The following TRIP11 variants were observed in gnomAD, a reference collection of about 807,000 sequenced individuals.
TRIP11 encodes the protein thyroid hormone receptor interactor 11, also known as thyroid receptor-interacting protein 11.
A neutral mutation model predicts 223.1 loss-of-function variants in TRIP11; 148 were observed. That is an observed-to-expected ratio of 0.66 (90% CI 0.58 to 0.76). TRIP11 has a LOEUF of 0.76. TRIP11 is among the 30% of genes least tolerant of loss of function. TRIP11 has a pLI of 0.00. For synonymous variants in TRIP11, 762 were observed against 772.6 expected (o/e 0.99, Z 0.23); for missense variants, 2,043 against 2,222.0 (o/e 0.92, Z 1.62).
At chr14:91,990,140 C>T (rs2056654308) in intron 15 of TRIP11, among the ~76,000 whole-genome samples, 1 of 151,956 alleles carries the variant, frequency 6.6e-6, no homozygotes, top group African/African-American at 2.4e-5. Flanking sequence ...CCCTACTGAT[C>T]CTGCTTTTAG....
intron 3 of TRIP11, among the ~76,000 whole-genome samples, chr14:92,023,022 T>C (rs1255932497): frequency 6.6e-6 from 1 of 152,212 alleles, no homozygotes; most frequent in Non-Finnish European, 1.5e-5. Flanking sequence ...AAAATCCACA[T>C]CTTTTTCAAA....
chr14:92,002,475 A>G (rs968444725), intron 11 of TRIP11, among the ~76,000 whole-genome samples: 1 of 152,182 alleles, frequency 6.6e-6, no homozygotes, highest in Non-Finnish European at 1.5e-5. Context: ...TAATCAATAC[A>G]TAAAAATCAA....
chr14:92,006,454 A>T lies in TRIP11; in HGVS notation c.1528-6T>A. 6.2e-7 allele frequency: 1 copy of T among 1,611,756 alleles called. No homozygotes were observed. The highest frequency in any genetic ancestry group is 8.5e-7 in the Non-Finnish European group (1 of 1,179,670). Reference sequence around the variant, plus strand: ...TCTTTTATCAAAATCATGTGCTGAAAGAAAAATTTGCATGGTGACTTTACA... The same window carrying T: ...TCTTTTATCAAAATCATGTGCTGAATGAAAAATTTGCATGGTGACTTTACA... On this transcript the variant is annotated splice_polypyrimidine_tract_variant and splice_region_variant and intron_variant, in intron 10 of 20. Coordinates refer to ENST00000267622, the MANE Select transcript of TRIP11 (RefSeq NM_004239.4).
Position 92,020,661 on chromosome 14 carries a change from T to C in TRIP11, c.588+895A>G, listed in dbSNP as rs75378292. 1.2e-3 allele frequency among the ~76,000 whole-genome samples: 175 copies of C among 148,228 alleles called. 1 individual carries two copies. The highest frequency in any genetic ancestry group is 4.2e-3 in the African/African-American group (168 of 40,050). On this transcript the variant is annotated intron_variant, in intron 4 of 20. Transcript: ENST00000267622. ...TCAATTTTTTTCCTCTCATGTTTTA[T>C]TAAAAAAAAAAAAAAGGATCTGTTG...
chr14:92,009,232 C>T (rs964835643), intron 9 of TRIP11, among the ~76,000 whole-genome samples: 3 of 152,162 alleles, frequency 2.0e-5, no homozygotes, highest in African/African-American at 7.2e-5. Flanking sequence ...TGGTGTCTCA[C>T]TATGTTGCCC....
intron 4 of TRIP11, among the ~76,000 whole-genome samples, chr14:92,020,993 C>G (rs544897145): frequency 6.6e-6 from 1 of 151,050 alleles, no homozygotes; most frequent in African/African-American, 2.4e-5. Context: ...TCATTTGAAC[C>G]CGGGAGGCGG....
At chr14:91,974,780 T>C (rs373481040) in intron 18 of TRIP11, 37 bp from the exon 19 acceptor site, 1 of 1,439,722 alleles carries the variant, frequency 6.9e-7, no homozygotes, top group Admixed American at 2.0e-5. Flanking sequence ...ATATTATCAG[T>C]ACAAGAAAAA....
At chr14:92,011,722 C>T in intron 8 of TRIP11, 33 bp downstream of exon 8, 1 of 1,585,942 alleles carries the variant, frequency 6.3e-7, no homozygotes, top group African/African-American at 1.3e-5. Flanking sequence ...TCCACTGTCT[C>T]TATGCACATA....
At chr14:91,993,965 G>T in intron 14 of TRIP11, 53 bp from the exon 15 acceptor site, 9 of 1,378,430 alleles carry the variant, frequency 6.5e-6, no homozygotes, top group Non-Finnish European at 9.2e-6. Context: ...TGTTAAGTTA[G>T]AATGTTAAGC....
chr14:92,021,459 G>T, intron 4 of TRIP11, 97 bp downstream of exon 4: 3 of 1,197,824 alleles, frequency 2.5e-6, no homozygotes, highest in Non-Finnish European at 2.4e-6. Flanking sequence ...CCTAGTCCAG[G>T]GTTCTTTCTG....
chr14:92,016,541 T>A (rs2057037252), intron 5 of TRIP11, among the ~76,000 whole-genome samples: 1 of 152,104 alleles, frequency 6.6e-6, no homozygotes, highest in African/African-American at 2.4e-5. Flanking sequence ...TTCCAGTAAA[T>A]CCTCTTTTGC....
intron 15 of TRIP11, among the ~76,000 whole-genome samples, chr14:91,990,165 T>C (rs2056654557): frequency 6.8e-6 from 1 of 147,654 alleles, no homozygotes; most frequent in Admixed American, 6.6e-5. Flanking sequence ...TGAAACCTGA[T>C]TGATATATAG....
rs1196696693 is a variant in TRIP11 at position 92,015,590 on chromosome 14, G to A, written c.823+106C>T. ...GGAGAATCGCTTGAACCCGGGGGGC[G>A]GAGGTTGCAGTGAGCCGAGATCGCG... On this transcript the variant is annotated intron_variant, in intron 6 of 20. Transcript: ENST00000267622. The A allele has an allele frequency of 9.1e-5, 82 of 897,096 alleles. 1 individual carries two copies. The Admixed American group carries it at 1.1e-3, about 12-fold the overall frequency. 55.6% of individuals were successfully genotyped at this position (897,096 alleles called of 1,614,324 possible). A position where few individuals can be genotyped will look rare whatever the true frequency, so the allele number is the denominator to read the frequency against.
intron 8 of TRIP11, 131 bp from the exon 9 acceptor site, chr14:92,011,203 A>T: frequency 1.2e-6 from 1 of 860,994 alleles, no homozygotes; most frequent in Admixed American, 2.1e-5. Context: ...TAAGAATGCA[A>T]TACTTGGCCA....
intron 2 of TRIP11, among the ~76,000 whole-genome samples, chr14:92,029,656 C>T (rs946450491): frequency 1.9e-4 from 29 of 151,986 alleles, no homozygotes; most frequent in Non-Finnish European, 3.5e-4. Context: ...ACAGACACCA[C>T]TTTTTGTAGT....
intron 9 of TRIP11, among the ~76,000 whole-genome samples, chr14:92,008,819 T>C (rs992391017): frequency 6.6e-6 from 1 of 152,020 alleles, no homozygotes; most frequent in Non-Finnish European, 1.5e-5. Context: ...TGCACTATGA[T>C]CATGCCATGA....
chr14:91,989,872 C>T (rs1246604542), intron 15 of TRIP11, among the ~76,000 whole-genome samples: 1 of 152,204 alleles, frequency 6.6e-6, no homozygotes, highest in East Asian at 1.9e-4. Flanking sequence ...TTCTTTGGAC[C>T]GCAGGTTCCG....
intron 20 of TRIP11, among the ~76,000 whole-genome samples, chr14:91,971,694 T>C (rs184073195): frequency 5.0e-4 from 76 of 152,250 alleles, no homozygotes; most frequent in Non-Finnish European, 9.3e-4. Flanking sequence ...TACAACCTAG[T>C]GTAAAAGAAA....
At chr14:92,026,797 A>G in intron 2 of TRIP11, 1 of 1,288,478 alleles carries the variant, frequency 7.8e-7, no homozygotes, top group East Asian at 2.3e-5. Flanking sequence ...AAGATGAGGA[A>G]GCTGAGTCAG....
Sources: gnomAD v4.1 joint callset for allele counts (sites outside exome capture counted in the v4.1 genomes callset) on GRCh38, gnomAD v4.1.1 for gene constraint, MANE v1.5 for transcripts, NCBI Gene and HGNC (gene_info 2026-07-23, HGNC 2026-07-21) for gene names.